PTPRB: variants seen among roughly 807,000 people sequenced by gnomAD.
The protein encoded by PTPRB is receptor-type tyrosine-protein phosphatase beta.
PTPRB carries 97 observed loss-of-function variants against 238.1 expected under a neutral mutation model. The ratio of observed to expected loss-of-function variants is 0.41; its 90% confidence interval spans 0.35 to 0.48. PTPRB has a LOEUF of 0.48. Ranked by LOEUF, PTPRB falls within the 20% of genes least tolerant of loss-of-function variation. PTPRB has a pLI of 0.30. For missense variants in PTPRB, 2,292 were observed against 2,681.9 expected, an observed-to-expected ratio of 0.85 and a Z score of 3.21; for synonymous variants, 970 against 995.4, an observed-to-expected ratio of 0.97 and a Z score of 0.48.
intron 31 of PTPRB, 103 bp downstream of exon 31, chr12:70,534,385 A>G (rs1356352972): frequency 7.3e-7 from 1 of 1,362,468 alleles, no homozygotes; most frequent in Non-Finnish European, 1.0e-6. Flanking sequence ...GGTCCAGACA[A>G]ATCCTCCACC....
chr12:70,531,920 C>G, intron 32 of PTPRB, 115 bp downstream of exon 32: 1 of 1,210,880 alleles, frequency 8.3e-7, no homozygotes. Flanking sequence ...TTCTTTTTTT[C>G]TCTTCCTAAT....
At chr12:70,544,955 T>C (rs7979431) in intron 21 of PTPRB, among the ~76,000 whole-genome samples, 16,892 of 152,054 alleles carry the variant, frequency 0.11, 1,286 homozygotes, top group South Asian at 0.2. Context: ...AGTCAGACAA[T>C]AAACACACAA....
rs200082535 is a variant in PTPRB, at chr12:70,552,568, CT to C, written c.5387+208del. ...CAGTTCTTCCCTTAATGAACTGGAG[CT>C]TTTGCATAGTGCTGAAGTCCCTTTT... On this transcript the variant is annotated intron_variant, in intron 21 of 33. Coordinates refer to ENST00000334414, the MANE Select transcript of PTPRB (RefSeq NM_001109754.4). Among the ~76,000 whole-genome samples, 205 of 151,950 alleles carry C rather than the reference CT, an allele frequency of 1.3e-3. 1 individual carries two copies. Among genetic ancestry groups the C allele is most frequent in the African/African-American group, 4.6e-3 (192 of 41,412 alleles).
In PTPRB at chr12:70,632,360, T is replaced by C. The variant is rs1054201650; in HGVS notation, c.451+3311A>G. On this transcript the variant is annotated intron_variant, in intron 2 of 33. Coordinates refer to ENST00000334414, the MANE Select transcript of PTPRB (RefSeq NM_001109754.4). ...AACCAAACACCGCGTGTACCACTCATAGGTGGAAATTGAACAACGAGAACA... is the reference window on the plus strand; with the variant it reads ...AACCAAACACCGCGTGTACCACTCACAGGTGGAAATTGAACAACGAGAACA... 1.9e-4 allele frequency among the ~76,000 whole-genome samples: 29 copies of C among 151,172 alleles called. 3 individuals are homozygous for C. In the South Asian group the frequency reaches 5.9e-3, roughly 31 times the overall value.
chr12:70,554,338 T>C (rs11178290), intron 20 of PTPRB, among the ~76,000 whole-genome samples: 27,793 of 152,168 alleles, frequency 0.18, 3,122 homozygotes, highest in Middle Eastern at 0.32. Context: ...TATAAAAATA[T>C]ATAAGAAAGG....
intron 9 of PTPRB, 28 bp from the exon 10 acceptor site, chr12:70,581,330 A>C (rs1042411500): frequency 6.4e-7 from 1 of 1,574,716 alleles, no homozygotes; most frequent in Non-Finnish European, 8.6e-7. Flanking sequence ...AGAAAAAACA[A>C]ATGACACTTA....
chr12:70,596,018 A>G (rs1882975229), intron 5 of PTPRB, 31 bp downstream of exon 5: 1 of 1,490,626 alleles, frequency 6.7e-7, no homozygotes, highest in Admixed American at 2.1e-5. Context: ...TATCCTATTA[A>G]CTACTCAGCT....
intron 16 of PTPRB, 54 bp downstream of exon 16, chr12:70,562,790 T>A: frequency 1.3e-6 from 2 of 1,578,142 alleles, no homozygotes; most frequent in Non-Finnish European, 1.7e-6. Flanking sequence ...GAAAAGCCAG[T>A]GAATACCGGG....
intron 9 of PTPRB, chr12:70,584,920 T>A (rs1347453463): frequency 1.3e-5 from 2 of 150,516 alleles, no homozygotes; most frequent in African/African-American, 4.9e-5. Flanking sequence ...GAGAGAAAAA[T>A]AAGATACAGG....
intron 27 of PTPRB, 181 bp downstream of exon 27, chr12:70,538,743 G>A (rs566336229): frequency 1.6e-4 from 98 of 602,760 alleles, no homozygotes; most frequent in South Asian, 1.6e-3. Context: ...ATTTAAACTG[G>A]CTATTATCCC....
chr12:70,532,279 A>AAGAT (rs910038336), intron 31 of PTPRB, 109 bp from the exon 32 acceptor site: 39 of 1,296,354 alleles, frequency 3.0e-5, no homozygotes, highest in African/African-American at 2.4e-4. Flanking sequence ...GTTATGGGAG[A>AAGAT]AGATAGGAAT....
At chr12:70,553,972 G>A (rs1877279166) in intron 20 of PTPRB, among the ~76,000 whole-genome samples, 1 of 152,172 alleles carries the variant, frequency 6.6e-6, no homozygotes, top group Non-Finnish European at 1.5e-5. Flanking sequence ...GCTACTTTCT[G>A]GGGTGTGACT....
rs921623211 is a variant in PTPRB, at chr12:70,624,234, G to A, written c.452-1588C>T. Among the ~76,000 whole-genome samples the A allele has an allele frequency of 2.6e-5, 4 of 152,066 alleles. 1 individual carries two copies. Among genetic ancestry groups the A allele is most frequent in the Non-Finnish European group, 5.9e-5 (4 of 68,024 alleles). ...TAATACAAGGATGATAACATACTAT[G>A]TATTAGTAATATACTTATACTAAAG... is the stretch of plus-strand genomic sequence containing the variant. On this transcript the variant is annotated intron_variant, in intron 2 of 33. Transcript: ENST00000334414.
chr12:70,577,474 C>A (rs1454292275), intron 10 of PTPRB, among the ~76,000 whole-genome samples: 1 of 152,130 alleles, frequency 6.6e-6, no homozygotes, highest in East Asian at 1.9e-4. Flanking sequence ...TTAGTAATTG[C>A]AGTATTGAGT....
At chr12:70,561,079 T>A in intron 16 of PTPRB, 145 bp from the exon 17 acceptor site, 1 of 840,638 alleles carries the variant, frequency 1.2e-6, no homozygotes, top group Non-Finnish European at 1.9e-6. Context: ...GCCATTTAAC[T>A]TTAAGGGCAT....
chr12:70,617,760 A>C (rs1054878205), intron 3 of PTPRB, among the ~76,000 whole-genome samples: 5 of 151,966 alleles, frequency 3.3e-5, no homozygotes, highest in African/African-American at 1.2e-4. Flanking sequence ...GGCCAAATAG[A>C]AGGAAACACA....
chr12:70,538,619 C>G, intron 27 of PTPRB: 1 of 465,044 alleles, frequency 2.2e-6, no homozygotes, highest in Non-Finnish European at 3.8e-6. Flanking sequence ...AAACCCAGGT[C>G]TGCTTGATGT....
At chr12:70,608,003 G>T (rs981874941) in intron 4 of PTPRB, among the ~76,000 whole-genome samples, 37 of 152,136 alleles carry the variant, frequency 2.4e-4, no homozygotes, top group African/African-American at 8.4e-4. Context: ...ATAATATCTA[G>T]TTGACTTACT....
intron 10 of PTPRB, among the ~76,000 whole-genome samples, chr12:70,578,950 C>G (rs747207699): frequency 6.6e-6 from 1 of 152,150 alleles, no homozygotes; most frequent in African/African-American, 2.4e-5. Context: ...TGAGTTGTAC[C>G]CCTCCCCAAC....
Sources: gnomAD v4.1 joint callset for allele counts (sites outside exome capture counted in the v4.1 genomes callset) on GRCh38, gnomAD v4.1.1 for gene constraint, MANE v1.5 for transcripts, NCBI Gene and HGNC (gene_info 2026-07-23, HGNC 2026-07-21) for gene names.